Variants in SUPT5H observed in about 807,000 individuals in gnomAD.
The protein encoded by SUPT5H is SPT5 homolog, DSIF elongation factor subunit.
A neutral mutation model predicts 142.5 loss-of-function variants in SUPT5H; 24 were observed. That is an observed-to-expected ratio of 0.17 (90% confidence interval 0.12 to 0.24). The LOEUF (loss-of-function observed/expected upper bound fraction) is 0.24, where lower values mean the gene tolerates loss of function less well. Ranked by LOEUF, SUPT5H falls within the 10% of genes least tolerant of loss-of-function variation. The pLI is 1.00. For missense variants in SUPT5H, 893 were observed against 1,471.8 expected (o/e 0.61, Z 6.43); for synonymous variants, 546 against 553.0 (o/e 0.99, Z 0.18).
At chr19:39,455,423 G>A (rs1430605301) in intron 3 of SUPT5H, among the ~76,000 whole-genome samples, 3 of 151,908 alleles carry the variant, frequency 2.0e-5, no homozygotes, top group African/African-American at 7.2e-5. Flanking sequence ...TTAGCTGGGC[G>A]TGGTGGCGGG....
chr19:39,459,147 G>C, intron 7 of SUPT5H, 37 bp from the exon 8 acceptor site: 1 of 1,612,134 alleles, frequency 6.2e-7, no homozygotes, highest in Non-Finnish European at 8.5e-7. Flanking sequence ...GGATCTGACA[G>C]AGCTTCACCC....
In SUPT5H at chr19:39,469,643, C is replaced by G. The variant is rs1203162531; in HGVS notation, c.1374+245C>G. On this transcript the variant is annotated intron_variant, in intron 16 of 29. Transcript: ENST00000432763. The surrounding 1 kb of genome is among the most constrained non-coding windows in gnomAD (Gnocchi z 5.1). ...TGGTCTATCTTTTGTTTCTGAAAAG[C>G]AAGATATCTGGGTAGTACTGGGTTG... The G allele has an allele frequency of 3.4e-6, 2 of 592,182 alleles. No homozygotes were observed. Among genetic ancestry groups the G allele is most frequent in the Non-Finnish European group, 6.0e-6 (2 of 334,548 alleles). The allele number at this position is 592,182 out of a possible 1,614,324, so 36.7% of individuals were successfully genotyped here. A position where few individuals can be genotyped will look rare whatever the true frequency, so the allele number is the denominator to read the frequency against.
Position 39,459,913 on chromosome 19 carries a change from G to A in SUPT5H, c.577G>A (p.Ala193Thr), listed in dbSNP as rs1600707709. ...CCAGATTGGGGAGGAACGGGCCACGGCCATTTCCTTGATGCGCAAGTTCAT... is the reference window on the plus strand; with the variant it reads ...CCAGATTGGGGAGGAACGGGCCACGACCATTTCCTTGATGCGCAAGTTCAT... ...KCKIGEERAT[A>T]ISLMRKFIAY... The change falls in exon 10 of 30, where the codon GCC (alanine) becomes ACC (threonine). Residue 193 changes from alanine to threonine, a missense_variant. By Grantham distance (58) the Ala-to-Thr change is moderately conservative. This residue lies in a region of SUPT5H where 428 missense variants were observed against 763.5 expected (regional missense o/e 0.56). Coordinates refer to ENST00000432763, the MANE Select transcript of SUPT5H (RefSeq NM_001111020.3). 4.3e-6 allele frequency: 7 copies of A among 1,614,006 alleles called. No homozygotes were observed. In the East Asian group the frequency reaches 1.6e-4, roughly 36 times the overall value.
rs889464230 is a variant in SUPT5H at position 39,466,240 on chromosome 19, C to T, written c.877-240C>T. On this transcript the variant is annotated intron_variant, in intron 11 of 29. Transcript: ENST00000432763. This position sits in a 1 kb window ranked among gnomAD's most constrained non-coding sequence, Gnocchi z 4.3. The stretch of plus-strand genomic sequence containing the variant: ...GGGGAATCAGCGGTTTGGCTGCGGT[C>T]GTCCTGGATTTGAGGGACCTTTAGA... Among the ~76,000 whole-genome samples, 3 of 152,090 alleles carry T rather than the reference C, an allele frequency of 2.0e-5. No individual in the cohort carries two copies. The highest frequency in any genetic ancestry group is 1.9e-4 in the East Asian group (1 of 5,190).
In SUPT5H at chr19:39,469,397, A is replaced by G; in HGVS notation, c.1373A>G (p.Lys458Arg). 1.2e-6 allele frequency: 2 copies of G among 1,614,238 alleles called. No individual in the cohort carries two copies. The highest frequency in any genetic ancestry group is 1.7e-6 in the Non-Finnish European group (2 of 1,180,034). ...ITIMPKHEDL[K>R]DMLEFPAQEL... ...ATCATGCCCAAGCATGAGGACCTCA[A>G]GGTGGGTGCCCGGTGTTCTCGGGCA... Residue 458 changes from lysine to arginine, a missense_variant and splice_region_variant, in exon 16 of 30, where the codon AAG (lysine) becomes AGG (arginine). Around this residue, in one of 6 missense-constraint regions of SUPT5H, gnomAD observed 428 missense variants for 763.5 expected, o/e 0.56. Transcript: ENST00000432763. This position sits in a 1 kb window ranked among gnomAD's most constrained non-coding sequence, Gnocchi z 5.1.
intron 3 of SUPT5H, among the ~76,000 whole-genome samples, chr19:39,456,462 A>G (rs1010171445): frequency 6.7e-6 from 1 of 149,876 alleles, no homozygotes; most frequent in Admixed American, 6.6e-5. Context: ...TCTGTTGCCC[A>G]GGCTGGAGTG....
At chr19:39,453,024 A>T (rs2079039794) in intron 2 of SUPT5H, among the ~76,000 whole-genome samples, 1 of 151,702 alleles carries the variant, frequency 6.6e-6, no homozygotes, top group African/African-American at 2.4e-5. Context: ...AAAAAAAAAA[A>T]AAAAAGAGAG....
chr19:39,446,205 C>T (rs1365781422), intron 2 of SUPT5H, among the ~76,000 whole-genome samples: 2 of 152,040 alleles, frequency 1.3e-5, no homozygotes, highest in Non-Finnish European at 2.9e-5. Flanking sequence ...ACTCTGTGTG[C>T]ATATAGTAAG....
At position 39,473,588 on chromosome 19, in the gene SUPT5H, G is replaced by A; in HGVS notation, c.2492+67G>A. 6.6e-7 allele frequency: 1 copy of A among 1,522,482 alleles called. No individual in the cohort carries two copies. The highest frequency in any genetic ancestry group is 8.9e-7 in the Non-Finnish European group (1 of 1,126,108). 94.3% of individuals were successfully genotyped at this position (1,522,482 alleles called of 1,614,324 possible). On this transcript the variant is annotated intron_variant, in intron 25 of 29. Coordinates refer to ENST00000432763, the MANE Select transcript of SUPT5H (RefSeq NM_001111020.3). This position sits in a 1 kb window ranked among gnomAD's most constrained non-coding sequence, Gnocchi z 5.8. ...TGTGAGGGATGATGCTGGGTGTCTG[G>A]GGCATTGGAGGGGTTTGTGGGGCCC...
chr19:39,457,811 C>G (rs1459113313), intron 4 of SUPT5H, 71 bp downstream of exon 4: 4 of 1,606,502 alleles, frequency 2.5e-6, no homozygotes, highest in Non-Finnish European at 3.4e-6. Flanking sequence ...GAGCCCATTC[C>G]CCCGACCCCC....
rs758390991 is a variant in SUPT5H, at chr19:39,445,978, G to A, written c.75+13G>A. The A allele has an allele frequency of 9.9e-6, 16 of 1,609,618 alleles. No individual in the cohort carries two copies. In the African/African-American group the frequency reaches 1.9e-4, roughly 19 times the overall value. On this transcript the variant is annotated intron_variant, in intron 2 of 29. Coordinates refer to ENST00000432763, the MANE Select transcript of SUPT5H (RefSeq NM_001111020.3). ...CGAGGAGGCCGAGGTCTGTGGCTGG[G>A]GCGCTGGGGGAGACATTGCGTCTGG... is the stretch of plus-strand genomic sequence containing the variant.
chr19:39,473,934 T>C lies in SUPT5H; in HGVS notation c.2493-29T>C, dbSNP rs1195250777. On this transcript the variant is annotated intron_variant, in intron 25 of 29. Transcript: ENST00000432763. The surrounding 1 kb of genome is among the most constrained non-coding windows in gnomAD (Gnocchi z 5.8). Reference sequence around the variant, plus strand: ...AGCATCCATCGCATTATCACCACAGTCGCTGTCAACAGACTTTTCTCCCAA... The same window carrying C: ...AGCATCCATCGCATTATCACCACAGCCGCTGTCAACAGACTTTTCTCCCAA... 3 of 1,613,534 alleles carry C rather than the reference T, an allele frequency of 1.9e-6. No homozygotes were observed. The Admixed American group carries it at 5.0e-5, about 27-fold the overall frequency.
chr19:39,468,952 CCA>C, intron 14 of SUPT5H, 91 bp downstream of exon 14: 4 of 1,538,390 alleles, frequency 2.6e-6, no homozygotes, highest in Non-Finnish European at 3.6e-6. Flanking sequence ...TGGTTCTGTC[CCA>C]CTCCTCAAGT....
Position 39,469,249 on chromosome 19 carries a change from A to T in SUPT5H, c.1238-13A>T. 6.2e-7 allele frequency: 1 copy of T among 1,614,186 alleles called. No individual in the cohort carries two copies. The highest frequency in any genetic ancestry group is 8.5e-7 in the Non-Finnish European group (1 of 1,180,012). On this transcript the variant is annotated splice_polypyrimidine_tract_variant and intron_variant, in intron 15 of 29. Transcript: ENST00000432763. The surrounding 1 kb of genome is among the most constrained non-coding windows in gnomAD (Gnocchi z 5.1). ...TGGCAACCCCCGAGTCAGCCCTACG[A>T]CTGCCCCTGCAGGGAAGGAGCGGGA...
intron 10 of SUPT5H, among the ~76,000 whole-genome samples, chr19:39,462,367 C>T (rs1335594498): frequency 6.6e-6 from 1 of 152,134 alleles, no homozygotes; most frequent in Non-Finnish European, 1.5e-5. Flanking sequence ...CCTCACAGCT[C>T]CTGGTAACTA....
rs2079332981 is a variant in SUPT5H, at chr19:39,472,390, C to T, written c.1951-19C>T. 2 of 1,613,512 alleles carry T rather than the reference C, an allele frequency of 1.2e-6. No homozygotes were observed. Among genetic ancestry groups the T allele is most frequent in the East Asian group, 4.5e-5 (2 of 44,872 alleles). On this transcript the variant is annotated intron_variant, in intron 20 of 29. Coordinates refer to ENST00000432763, the MANE Select transcript of SUPT5H (RefSeq NM_001111020.3). This position sits in a 1 kb window ranked among gnomAD's most constrained non-coding sequence, Gnocchi z 4.2. Reference sequence around the variant, plus strand: ...CCCCCATCCCCTGCCTGCCAGTTCACTCCTTGCTTCTATCCTAGCCCCGTG... The same window carrying T: ...CCCCCATCCCCTGCCTGCCAGTTCATTCCTTGCTTCTATCCTAGCCCCGTG...
chr19:39,470,260 C>A lies in SUPT5H; in HGVS notation c.1516C>A (p.Leu506Ile). Residue 506 changes from leucine (L) to isoleucine (I), a missense_variant, in exon 17 of 30, where the codon CTC becomes ATC. Leu to Ile is a conservative substitution (Grantham distance 5). This residue lies in a region of SUPT5H where 428 missense variants were observed against 763.5 expected (regional missense o/e 0.56). Coordinates refer to ENST00000432763, the MANE Select transcript of SUPT5H (RefSeq NM_001111020.3). The surrounding 1 kb of genome is among the most constrained non-coding windows in gnomAD (Gnocchi z 5.8). ...EENFVILFSD[L>I]TMHELKVLPR... is the part of the protein sequence containing the mutation. ...GAATTTCGTTATCCTGTTCTCTGACCTCACCATGCATGAGGTAGGTGGATA... is the reference window on the plus strand; with the variant it reads ...GAATTTCGTTATCCTGTTCTCTGACATCACCATGCATGAGGTAGGTGGATA... 6.3e-7 allele frequency: 1 copy of A among 1,576,710 alleles called. No individual in the cohort carries two copies. Among genetic ancestry groups the A allele is most frequent in the African/African-American group, 1.3e-5 (1 of 74,352 alleles).
Position 39,458,653 on chromosome 19 carries a change from C to A in SUPT5H, c.320-165C>A. On this transcript the variant is annotated intron_variant, in intron 5 of 29. Transcript: ENST00000432763. This position sits in a 1 kb window ranked among gnomAD's most constrained non-coding sequence, Gnocchi z 4.2. Reference sequence around the variant, plus strand: ...AGTCTTTTTGACAAGAAGCAGGATGCTGAGTAGGACAGAGTAGGGGATGAG... The same window carrying A: ...AGTCTTTTTGACAAGAAGCAGGATGATGAGTAGGACAGAGTAGGGGATGAG... 1 of 739,362 alleles carries A rather than the reference C, an allele frequency of 1.4e-6. No individual in the cohort carries two copies. Among genetic ancestry groups the A allele is most frequent in the Non-Finnish European group, 2.2e-6 (1 of 457,874 alleles). The allele number at this position is 739,362 out of a possible 1,614,324, so 45.8% of individuals were successfully genotyped here.
chr19:39,448,669 C>T (rs1477872189), intron 2 of SUPT5H, among the ~76,000 whole-genome samples: 1 of 152,090 alleles, frequency 6.6e-6, no homozygotes, highest in Non-Finnish European at 1.5e-5. Context: ...TTCAGACAGC[C>T]AAATGATGAC....
Sources: gnomAD v4.1 joint callset for allele counts (sites outside exome capture counted in the v4.1 genomes callset) on GRCh38, gnomAD v4.1.1 for gene constraint, gnomAD v4.1.1 regional missense constraint, Gnocchi (gnomAD v3.1) non-coding constraint, MANE v1.5 for transcripts, NCBI Gene and HGNC (gene_info 2026-07-23, HGNC 2026-07-21) for gene names.